The following LHFPL3 variants were observed in gnomAD, a reference collection of about 807,000 sequenced individuals.
LHFPL3 encodes LHFPL tetraspan subfamily member 3, also known as LHFPL tetraspan subfamily member 3 protein.
In LHFPL3, 5 loss-of-function variants were observed where a neutral mutation model predicts 19.3. That is an observed-to-expected ratio of 0.26 (90% CI 0.14 to 0.54). The LOEUF is 0.54. Among genes scored for constraint, LHFPL3 ranks in the 20% least tolerant of loss-of-function variants. LHFPL3 has a pLI of 0.94. For synonymous variants in LHFPL3, 133 were observed against 126.2 expected (o/e 1.05, Z -0.36); for missense variants, 249 against 307.4 (o/e 0.81, Z 1.42).
Position 104,373,460 on chromosome 7 carries a change from C to T in LHFPL3, c.445+44236C>T, listed in dbSNP as rs572195988. Among the ~76,000 whole-genome samples, 136 of 152,202 alleles carry T rather than the reference C, an allele frequency of 8.9e-4. 2 individuals carry two copies. The South Asian group carries it at 0.019, about 21-fold the overall frequency. On this transcript the variant is annotated intron_variant, in intron 1 of 2. Transcript: ENST00000424859. ...TTATTGATGGTCACTGTGCTATAAC[C>T]TGCCATCCCTTCAACTCCTCTTGAC...
At chr7:104,409,584 C>G (rs993714700) in intron 1 of LHFPL3, among the ~76,000 whole-genome samples, 1 of 151,930 alleles carries the variant, frequency 6.6e-6, no homozygotes, top group African/African-American at 2.4e-5. Flanking sequence ...CCACTGCACT[C>G]CAGCCTAGGT....
At chr7:104,786,998 A>G (rs941849574) in intron 2 of LHFPL3, among the ~76,000 whole-genome samples, 16 of 152,200 alleles carry the variant, frequency 1.1e-4, no homozygotes, top group Non-Finnish European at 1.5e-5. Flanking sequence ...ATTATAGTAC[A>G]TCTTTGCTAT....
chr7:104,793,061 A>T (rs1241066949), intron 2 of LHFPL3, among the ~76,000 whole-genome samples: 3 of 152,078 alleles, frequency 2.0e-5, no homozygotes, highest in African/African-American at 7.2e-5. Context: ...ACACCCAGCT[A>T]ATTTTTGTAT....
chr7:104,342,890 T>G (rs1789984358), intron 1 of LHFPL3, among the ~76,000 whole-genome samples: 1 of 152,240 alleles, frequency 6.6e-6, no homozygotes, highest in South Asian at 2.1e-4. Context: ...TAGAATGTTT[T>G]GGCCACACAT....
At chr7:104,727,139 G>T (rs898033335) in intron 1 of LHFPL3, among the ~76,000 whole-genome samples, 2 of 152,182 alleles carry the variant, frequency 1.3e-5, no homozygotes, top group Admixed American at 6.5e-5. Flanking sequence ...TTTGAGAAGT[G>T]TCTGTTCATA....
intron 2 of LHFPL3, among the ~76,000 whole-genome samples, chr7:104,833,031 T>TGA (rs1339972769): frequency 4.4e-4 from 2 of 4,564 alleles, no homozygotes; most frequent in Non-Finnish European, 1.9e-3. Flanking sequence ...AATAGATATA[T>TGA]TATATATATA....
chr7:104,409,331 TGTG>T (rs1791489842), intron 1 of LHFPL3, among the ~76,000 whole-genome samples: 1 of 151,524 alleles, frequency 6.6e-6, no homozygotes, highest in African/African-American at 2.4e-5. Flanking sequence ...TGTGTGTGTG[TGTG>T]TGTGTGTCTG....
In LHFPL3 at chr7:104,328,800, T is replaced by C. The variant is rs964771912; in HGVS notation, c.21T>C (p.Ala7=). The change falls in exon 1 of 3, where the codon GCT becomes GCC. Residue 7 remains alanine, a synonymous_variant. Coordinates refer to ENST00000424859, the MANE Select transcript of LHFPL3 (RefSeq NM_199000.3). The surrounding 1 kb of genome is among the most constrained non-coding windows in gnomAD (Gnocchi z 4.6). MPGAAA[A]AAAAAAAMLP... is the part of the protein sequence containing the mutation. ...GGAGAATGCCCGGAGCCGCCGCCGC[T>C]GCCGCCGCCGCCGCCGCCGCGATGC... 3.7e-5 allele frequency: 59 copies of C among 1,592,032 alleles called. No individual in the cohort carries two copies. The highest frequency in any genetic ancestry group is 1.2e-4 in the Admixed American group (7 of 58,198).
At chr7:104,797,410 T>C (rs1019522286) in intron 2 of LHFPL3, among the ~76,000 whole-genome samples, 1 of 152,122 alleles carries the variant, frequency 6.6e-6, no homozygotes, top group Non-Finnish European at 1.5e-5. Flanking sequence ...AAATGAGGCC[T>C]CCTTAGCTAT....
chr7:104,476,646 G>C (rs1192781909), intron 1 of LHFPL3, among the ~76,000 whole-genome samples: 1 of 152,094 alleles, frequency 6.6e-6, no homozygotes, highest in African/African-American at 2.4e-5. Flanking sequence ...TTTCAGTAGA[G>C]ACGGTGTTTC....
intron 1 of LHFPL3, among the ~76,000 whole-genome samples, chr7:104,653,016 G>C (rs1234001729): frequency 1.4e-5 from 2 of 147,732 alleles, no homozygotes; most frequent in African/African-American, 2.5e-5. Flanking sequence ...TGGGAGACAG[G>C]GCCCTACCTT....
At chr7:104,826,003 A>G (rs1432722850) in intron 2 of LHFPL3, among the ~76,000 whole-genome samples, 1 of 151,954 alleles carries the variant, frequency 6.6e-6, no homozygotes, top group African/African-American at 2.4e-5. Flanking sequence ...ATGGGGGATA[A>G]AGGCAAAGGG....
At chr7:104,499,635 G>A (rs907579761) in intron 1 of LHFPL3, among the ~76,000 whole-genome samples, 2 of 152,144 alleles carry the variant, frequency 1.3e-5, no homozygotes, top group African/African-American at 4.8e-5. Flanking sequence ...ATTACAGACT[G>A]TTTTTCCTCC....
intron 1 of LHFPL3, among the ~76,000 whole-genome samples, chr7:104,530,460 T>C (rs908447918): frequency 8.5e-5 from 13 of 152,120 alleles, no homozygotes; most frequent in Non-Finnish European, 1.8e-4. Flanking sequence ...AGAGTACGGA[T>C]GGTTGTTTGC....
At chr7:104,541,286 C>A (rs1794482693) in intron 1 of LHFPL3, among the ~76,000 whole-genome samples, 1 of 152,096 alleles carries the variant, frequency 6.6e-6, no homozygotes, top group South Asian at 2.1e-4. Flanking sequence ...ATTAGTGGTT[C>A]ACTTACTTGT....
At chr7:104,460,036 T>A (rs964965478) in intron 1 of LHFPL3, among the ~76,000 whole-genome samples, 2 of 152,170 alleles carry the variant, frequency 1.3e-5, no homozygotes, top group Admixed American at 6.5e-5. Context: ...TAGGCCCCAA[T>A]GTCTGTTGTT....
intron 1 of LHFPL3, among the ~76,000 whole-genome samples, chr7:104,502,081 T>C (rs1244962497): frequency 3.9e-5 from 6 of 152,190 alleles, no homozygotes; most frequent in African/African-American, 1.4e-4. Flanking sequence ...TTTGTGAAAA[T>C]AGACATGAAT....
chr7:104,570,753 G>A (rs1245494729), intron 1 of LHFPL3, among the ~76,000 whole-genome samples: 1 of 151,966 alleles, frequency 6.6e-6, no homozygotes, highest in Non-Finnish European at 1.5e-5. Context: ...CTCATATCAC[G>A]GGGGTTTGTT....
intron 1 of LHFPL3, among the ~76,000 whole-genome samples, chr7:104,555,542 C>T (rs944002412): frequency 6.6e-6 from 1 of 152,168 alleles, no homozygotes; most frequent in Non-Finnish European, 1.5e-5. Context: ...AAGAACAGCA[C>T]AGGAAAGACC....
Sources: allele counts gnomAD v4.1 joint callset (sites outside exome capture counted in the v4.1 genomes callset), GRCh38; gene constraint gnomAD v4.1.1; non-coding constraint Gnocchi (gnomAD v3.1); transcripts MANE v1.5; gene names NCBI Gene and HGNC (gene_info 2026-07-23, HGNC 2026-07-21).